The following PCDH15 variants were observed in gnomAD, a reference collection of about 807,000 sequenced individuals.
PCDH15 encodes protocadherin related 15.
In PCDH15, 129 loss-of-function variants were observed where a neutral mutation model predicts 178.5. The ratio of observed to expected loss-of-function variants is 0.72; its 90% CI spans 0.63 to 0.84. The LOEUF is 0.84. Among genes scored for constraint, PCDH15 ranks in the 40% least tolerant of loss-of-function variants. The pLI is 0.00. For synonymous variants in PCDH15, 800 were observed against 732.0 expected, an observed-to-expected ratio of 1.09 and a Z score of -1.50; for missense variants, 2,230 against 2,099.9, an observed-to-expected ratio of 1.06 and a Z score of -1.21.
chr10:54,718,872 T>C (rs538283626), intron 1 of PCDH15, among the ~76,000 whole-genome samples: 1 of 151,822 alleles, frequency 6.6e-6, no homozygotes, highest in African/African-American at 2.4e-5. Flanking sequence ...AATTTTTGTA[T>C]TTTTAGTAGA....
chr10:54,456,952 C>A (rs1470128211), intron 3 of PCDH15, among the ~76,000 whole-genome samples: 1 of 152,094 alleles, frequency 6.6e-6, no homozygotes, highest in Non-Finnish European at 1.5e-5. Context: ...TTCCTGAGGC[C>A]TCCCCAGCCC....
intron 1 of PCDH15, among the ~76,000 whole-genome samples, chr10:55,285,687 A>G (rs1056466707): frequency 2.0e-5 from 3 of 151,896 alleles, no homozygotes; most frequent in African/African-American, 7.2e-5. Flanking sequence ...TAAGTTCTCA[A>G]CAAATGCTTG....
intron 1 of PCDH15, among the ~76,000 whole-genome samples, chr10:54,695,677 G>A (rs2095212386): frequency 6.6e-6 from 1 of 152,096 alleles, no homozygotes; most frequent in East Asian, 1.9e-4. Flanking sequence ...AATGTAGGTG[G>A]TGACTTTAAG....
intron 2 of PCDH15, among the ~76,000 whole-genome samples, chr10:55,566,602 A>G (rs1842307492): frequency 6.6e-6 from 1 of 151,872 alleles, no homozygotes; most frequent in Admixed American, 6.6e-5. Flanking sequence ...CAATAAATTA[A>G]GTCACCACAT....
At chr10:55,368,536 T>A (rs1845420939) in intron 2 of PCDH15, among the ~76,000 whole-genome samples, 1 of 152,136 alleles carries the variant, frequency 6.6e-6, no homozygotes, top group Non-Finnish European at 1.5e-5. Flanking sequence ...CAACTATCTC[T>A]TAGAGTCACT....
At chr10:54,353,560 G>A (rs1268559175) in intron 5 of PCDH15, among the ~76,000 whole-genome samples, 1 of 151,714 alleles carries the variant, frequency 6.6e-6, no homozygotes, top group Non-Finnish European at 1.5e-5. Flanking sequence ...AGCTGCTTTT[G>A]ACTTCAATCA....
At chr10:55,218,541 CTGATTAAAGTGCAAGCAATACA>C (rs1277352971) in intron 1 of PCDH15, among the ~76,000 whole-genome samples, 1 of 151,928 alleles carries the variant, frequency 6.6e-6, no homozygotes, top group Non-Finnish European at 1.5e-5. Context: ...TTTGGGTAAG[CTGATTAAAGTGCAAGCAATACA>C]TGTGGAGCAC....
intron 2 of PCDH15, among the ~76,000 whole-genome samples, chr10:55,043,647 C>T (rs1398001064): frequency 6.6e-6 from 1 of 151,680 alleles, no homozygotes; most frequent in Non-Finnish European, 1.5e-5. Flanking sequence ...GAGCTCAATG[C>T]TACAGTTAGC....
At chr10:54,215,138 A>G (rs2051871782) in intron 9 of PCDH15, among the ~76,000 whole-genome samples, 1 of 152,180 alleles carries the variant, frequency 6.6e-6, no homozygotes, top group Non-Finnish European at 1.5e-5. Flanking sequence ...CAATAACTAA[A>G]TCATTTACAT....
In PCDH15 at chr10:53,806,715, A is replaced by G. The variant is rs745696838; in HGVS notation, c.5087T>C (p.Val1696Ala). The G allele has an allele frequency of 1.2e-6, 2 of 1,613,842 alleles. No individual in the cohort carries two copies. The highest frequency in any genetic ancestry group is 1.7e-6 in the Non-Finnish European group (2 of 1,179,818). ...ACTGTCAATCATGGACTCCTGTTCA[A>G]CTGTGCTTTTCAGCCTGTTCCTTAG... ...KPLRNRLKSTVEQESMIDSKN... is the reference protein window; with the variant it reads ...KPLRNRLKSTAEQESMIDSKN... The change falls in exon 38 of 38, where the codon GTT becomes GCT. Residue 1696 changes from valine (V) to alanine (A), a missense_variant. Val to Ala is a moderately conservative substitution (Grantham distance 64). Transcript: ENST00000644397.
At position 55,518,078 on chromosome 10, in the gene PCDH15, G is replaced by A. The variant is rs563060795; in HGVS notation, c.-156+109547C>T. On this transcript the variant is annotated intron_variant, in intron 2 of 5. Coordinates refer to the PCDH15 transcript ENST00000613346. ...TCTCCCAGTCTCTGTTGGAGGACAG[G>A]AACATAACTTCCATTAGCAGCAGTT... Among the ~76,000 whole-genome samples, 4 of 152,140 alleles carry A rather than the reference G, an allele frequency of 2.6e-5. No homozygotes were observed. In the East Asian group the frequency reaches 7.8e-4, roughly 30 times the overall value.
At chr10:54,138,285 G>A (rs1465592885) in intron 14 of PCDH15, among the ~76,000 whole-genome samples, 2 of 151,926 alleles carry the variant, frequency 1.3e-5, no homozygotes, top group Non-Finnish European at 2.9e-5. Flanking sequence ...TCTTTTGTGG[G>A]ACTAGACAGT....
intron 1 of PCDH15, among the ~76,000 whole-genome samples, chr10:55,313,963 G>A (rs2132291765): frequency 6.6e-6 from 1 of 152,088 alleles, no homozygotes. Context: ...AGAATAACTT[G>A]TGGGAACTTT....
intron 1 of PCDH15, among the ~76,000 whole-genome samples, chr10:54,694,845 T>A (rs2095193104): frequency 6.6e-6 from 1 of 151,570 alleles, no homozygotes; most frequent in African/African-American, 2.4e-5. Context: ...AAAGGAGGAG[T>A]CCCAGGCCTC....
intron 2 of PCDH15, among the ~76,000 whole-genome samples, chr10:54,649,642 T>C (rs950672938): frequency 6.6e-6 from 1 of 152,144 alleles, no homozygotes; most frequent in African/African-American, 2.4e-5. Context: ...ATTACACATA[T>C]ACATGTGTGT....
At chr10:55,366,931 G>C (rs1262561944) in intron 2 of PCDH15, among the ~76,000 whole-genome samples, 1 of 151,882 alleles carries the variant, frequency 6.6e-6, no homozygotes. Context: ...GCGTGTGTGT[G>C]TGTGTGTGTG....
chr10:54,378,845 C>A lies in PCDH15; in HGVS notation c.255G>T (p.Val85=), dbSNP rs1283677035. 3 of 1,613,922 alleles carry A rather than the reference C, an allele frequency of 1.9e-6. No homozygotes were observed. In the South Asian group the frequency reaches 3.3e-5, roughly 18 times the overall value. Residue 85 remains valine (V), a synonymous_variant, in exon 4 of 38, where the codon GTG becomes GTT. Coordinates refer to ENST00000644397, the MANE Select transcript of PCDH15 (RefSeq NM_001384140.1). ...LSLKDNVDYW[V]LMDPVKQMLF... ...GCATTTGCTTAACAGGATCCATCAA[C>A]ACCCAGTAATCCACATTATCCTTTA...
At chr10:54,095,256 T>G (rs1032197866) in intron 15 of PCDH15, among the ~76,000 whole-genome samples, 1 of 152,126 alleles carries the variant, frequency 6.6e-6, no homozygotes, top group Non-Finnish European at 1.5e-5. Flanking sequence ...ATTCCTGGTA[T>G]TACATTTTTT....
At chr10:54,634,708 G>A (rs1456165428) in intron 2 of PCDH15, among the ~76,000 whole-genome samples, 11 of 151,932 alleles carry the variant, frequency 7.2e-5, no homozygotes, top group East Asian at 1.9e-4. Context: ...AGATGCTTGC[G>A]CGTATACACT....
Sources: gnomAD v4.1 joint callset for allele counts (sites outside exome capture counted in the v4.1 genomes callset) on GRCh38, gnomAD v4.1.1 for gene constraint, MANE v1.5 for transcripts, NCBI Gene and HGNC (gene_info 2026-07-23, HGNC 2026-07-21) for gene names.